The following DENND2D variants were observed in gnomAD, a reference collection of about 807,000 sequenced individuals.
The protein encoded by DENND2D is DENN domain containing 2D.
DENND2D carries 37 observed loss-of-function variants against 59.8 expected under a neutral mutation model. That is an observed-to-expected ratio of 0.62 (90% CI 0.48 to 0.81). The LOEUF is 0.81. DENND2D is among the 40% of genes least tolerant of loss of function. The pLI is 0.00. For missense variants in DENND2D, 525 were observed against 579.7 expected (o/e 0.91, Z 0.97); for synonymous variants, 219 against 211.3 (o/e 1.04, Z -0.31).
rs1286882774 is a variant in DENND2D, at chr1:111,199,742, G to T, written c.124C>A (p.His42Asn). The change falls in exon 2 of 12, where the codon CAC becomes AAC. Residue 42 changes from histidine to asparagine, a missense_variant. By Grantham distance (68) the His-to-Asn change is moderately conservative. Transcript: ENST00000357640. ...CCCCCAGCAAAGTTGGGCAAAGAGT[G>T]CTCCTGGGCCCTTTCTGGTTCCTTT... ...ALKEPERAQE[H>N]SLPNFAGGQH... is the part of the protein sequence containing the mutation. 1 of 1,614,146 alleles carries T rather than the reference G, an allele frequency of 6.2e-7. No homozygotes were observed. The highest frequency in any genetic ancestry group is 8.5e-7 in the Non-Finnish European group (1 of 1,180,030).
In DENND2D at chr1:111,192,200, G is replaced by C. The variant is rs61757211; in HGVS notation, c.912C>G (p.Pro304=). Residue 304 remains proline, a synonymous_variant, in exon 8 of 12, where the codon CCC becomes CCG. Transcript: ENST00000357640. ...SLLATVCCPT[P]FMVGVQMRFQ... Reference sequence around the variant, plus strand: ...AGCGCATTTGTACTCCAACCATGAAGGGGGTGGGGCAGCAGACGGTGGCCA... The same window carrying C: ...AGCGCATTTGTACTCCAACCATGAACGGGGTGGGGCAGCAGACGGTGGCCA... 198 of 1,613,726 alleles carry C rather than the reference G, an allele frequency of 1.2e-4. No individual in the cohort carries two copies. Among genetic ancestry groups the C allele is most frequent in the South Asian group, 2.0e-4 (18 of 91,026 alleles).
intron 8 of DENND2D, among the ~76,000 whole-genome samples, chr1:111,191,297 A>G (rs576825752): frequency 1.3e-5 from 2 of 152,292 alleles, no homozygotes; most frequent in Non-Finnish European, 2.9e-5. Context: ...ATTTGGTTTT[A>G]TCTGTGCTAG....
chr1:111,194,514 G>A, intron 7 of DENND2D, 64 bp downstream of exon 7: 1 of 1,582,580 alleles, frequency 6.3e-7, no homozygotes, highest in South Asian at 1.1e-5. Flanking sequence ...ATAACCTCCA[G>A]TCTGTTCCCT....
rs1657446521 is a variant in DENND2D at position 111,188,633 on chromosome 1, G to A, written c.1099+69C>T. The A allele has an allele frequency of 3.5e-6, 5 of 1,423,812 alleles. No homozygotes were observed. In the South Asian group the frequency reaches 4.7e-5, roughly 13 times the overall value. 88.2% of individuals were successfully genotyped at this position (1,423,812 alleles called of 1,614,324 possible). A position where few individuals can be genotyped will look rare whatever the true frequency, so the allele number is the denominator to read the frequency against. On this transcript the variant is annotated intron_variant, in intron 10 of 11. Transcript: ENST00000357640. The stretch of plus-strand genomic sequence containing the variant: ...TACTGAATGAGTTCATTTTAGTTCT[G>A]GAAGGGAATGATTGAGAAGCATGCC...
intron 3 of DENND2D, 76 bp from the exon 4 acceptor site, chr1:111,198,065 G>A: frequency 1.4e-6 from 2 of 1,458,850 alleles, no homozygotes; most frequent in East Asian, 2.4e-5. Flanking sequence ...GCACTAGAGG[G>A]TGGAGAGGAG....
At position 111,196,023 on chromosome 1, in the gene DENND2D, A is replaced by C; in HGVS notation, c.538T>G (p.Ser180Ala). The C allele has an allele frequency of 6.2e-7, 1 of 1,613,408 alleles. No homozygotes were observed. The highest frequency in any genetic ancestry group is 1.3e-5 in the African/African-American group (1 of 74,970). ...LDEVEKRHQISMAVIYPFMQG... is the reference protein window; with the variant it reads ...LDEVEKRHQIAMAVIYPFMQG... ...ATGAACGGGTAGATGACAGCCATGG[A>C]GATCTGATGTCTCTTCTCCACTTCA... The change falls in exon 6 of 12, where the codon TCC becomes GCC. Residue 180 changes from serine to alanine, a missense_variant. This residue lies in a region of DENND2D where 253 missense variants were observed against 246.4 expected (regional missense o/e 1.03). Coordinates refer to ENST00000357640, the MANE Select transcript of DENND2D (RefSeq NM_024901.5).
chr1:111,198,761 G>C lies in DENND2D; in HGVS notation c.244-19C>G. On this transcript the variant is annotated intron_variant, in intron 2 of 11. Transcript: ENST00000357640. ...TCTCCCGCTATAAGGCAAAGGAAAA[G>C]ACAAGTGGATGTGAAGCTGGGGGCA... 6.2e-7 allele frequency: 1 copy of C among 1,613,528 alleles called. No individual in the cohort carries two copies. The highest frequency in any genetic ancestry group is 1.1e-5 in the South Asian group (1 of 91,064).
At chr1:111,187,830 A>T in intron 11 of DENND2D, 149 bp from the exon 12 acceptor site, 1 of 766,496 alleles carries the variant, frequency 1.3e-6, no homozygotes, top group Non-Finnish European at 2.1e-6. Context: ...CTGGAGATCC[A>T]GACATTCAGT....
chr1:111,190,183 A>AC (rs1657647482), intron 8 of DENND2D, among the ~76,000 whole-genome samples: 6 of 150,568 alleles, frequency 4.0e-5, no homozygotes, highest in African/African-American at 1.5e-4. Context: ...AAAAAAAAAA[A>AC]CTACCTCACA....
At chr1:111,192,473 C>T (rs1028078988) in intron 7 of DENND2D, among the ~76,000 whole-genome samples, 156 bp from the exon 8 acceptor site, 37 of 152,096 alleles carry the variant, frequency 2.4e-4, no homozygotes, top group African/African-American at 5.6e-4. Flanking sequence ...AGAGCTTGAA[C>T]GTACATTGCT....
At chr1:111,189,366 A>G (rs899188710) in intron 8 of DENND2D, 113 bp from the exon 9 acceptor site, 1 of 1,058,014 alleles carries the variant, frequency 9.5e-7, no homozygotes, top group Non-Finnish European at 1.4e-6. Flanking sequence ...GTAGCAACAA[A>G]ATCAATATCT....
Position 111,200,474 on chromosome 1 carries a change from G to A in DENND2D, c.-15C>T, listed in dbSNP as rs76541442. 5.2e-4 allele frequency: 834 copies of A among 1,602,136 alleles called. 5 individuals are homozygous for A. The African/African-American group carries it at 1.0e-2, about 19-fold the overall frequency. ...TGTCCTTCCATCTCTGGGCCTTCAG[G>A]ACAGAGCGGACTCCCCTCTCCCCTA... On this transcript the variant is annotated 5_prime_UTR_variant, in exon 1 of 12. Transcript: ENST00000357640.
At chr1:111,200,685 G>C (rs553110756), upstream of DENND2D, 9 of 1,320,790 alleles carry the variant, frequency 6.8e-6, no homozygotes, top group Non-Finnish European at 8.8e-6. Flanking sequence ...AGCACCAACA[G>C]AGTCAGCATC....
chr1:111,204,112 CTCTT>C, upstream of DENND2D: 1 of 502,342 alleles, frequency 2.0e-6, no homozygotes, highest in Non-Finnish European at 3.2e-6. Context: ...CCACCTGACC[CTCTT>C]CCCCTCTCCG....
upstream of DENND2D, among the ~76,000 whole-genome samples, chr1:111,202,617 T>C (rs1557968545): frequency 2.6e-5 from 4 of 151,786 alleles, no homozygotes; most frequent in Non-Finnish European, 4.4e-5. Flanking sequence ...GGAACCTTGA[T>C]CTGGGAAGCT....
chr1:111,199,405 G>A (rs1290518783), intron 2 of DENND2D, among the ~76,000 whole-genome samples: 1 of 152,198 alleles, frequency 6.6e-6, no homozygotes, highest in African/African-American at 2.4e-5. Flanking sequence ...GGAAGCCTAG[G>A]TCAGTCCCTC....
chr1:111,196,196 G>A lies in DENND2D; in HGVS notation c.505-140C>T, dbSNP rs1317887436. 3.0e-5 allele frequency: 31 copies of A among 1,045,986 alleles called. No homozygotes were observed. The Admixed American group carries it at 7.4e-4, about 25-fold the overall frequency. 64.8% of individuals were successfully genotyped at this position (1,045,986 alleles called of 1,614,324 possible). On this transcript the variant is annotated intron_variant, in intron 5 of 11. Coordinates refer to ENST00000357640, the MANE Select transcript of DENND2D (RefSeq NM_024901.5). ...TCATGTATCTTCTAGGGCCCTCCACGAACTGGTCCTCTCCCTCCCTGGCAG... is the reference window on the plus strand; with the variant it reads ...TCATGTATCTTCTAGGGCCCTCCACAAACTGGTCCTCTCCCTCCCTGGCAG...
rs114611883 is a variant in DENND2D, at chr1:111,195,519, G to A, written c.645+397C>T. 1.8e-3 allele frequency: 356 copies of A among 201,142 alleles called. 4 individuals are homozygous for A. Among genetic ancestry groups the A allele is most frequent in the African/African-American group, 8.1e-3 (339 of 41,956 alleles). 12.5% of individuals were successfully genotyped at this position (201,142 alleles called of 1,614,324 possible). A position where few individuals can be genotyped will look rare whatever the true frequency, so the allele number is the denominator to read the frequency against. On this transcript the variant is annotated intron_variant, in intron 6 of 11. Transcript: ENST00000357640. ...TTCCCCTGTGCATGGGTGGAGACTC[G>A]GAGGTGGGGATGGATGATAAGAAAT...
In DENND2D at chr1:111,188,225, G is replaced by A. The variant is rs1431594523; in HGVS notation, c.1245C>T (p.Ser415=). ...TCTTCACAAATCGGCGGTTGGTCTT[G>A]GAGGTCAGAGCCTTACAGAAGGATC... ...QERSFCKALT[S]KTNRRFVKKF... The change falls in exon 11 of 12, where the codon TCC becomes TCT. Residue 415 remains serine, a synonymous_variant. Transcript: ENST00000357640. 10 of 1,614,172 alleles carry A rather than the reference G, an allele frequency of 6.2e-6. No homozygotes were observed. The highest frequency in any genetic ancestry group is 7.6e-6 in the Non-Finnish European group (9 of 1,180,030).
Sources: allele counts gnomAD v4.1 joint callset (sites outside exome capture counted in the v4.1 genomes callset), GRCh38; gene constraint gnomAD v4.1.1; regional missense constraint gnomAD v4.1.1; transcripts MANE v1.5; gene names NCBI Gene and HGNC (gene_info 2026-07-23, HGNC 2026-07-21).